TAAR5: variants seen among roughly 807,000 people sequenced by gnomAD.
TAAR5 encodes the protein trace amine associated receptor 5, also known as trace amine-associated receptor 5.
In TAAR5, 27 loss-of-function variants were observed where a neutral mutation model predicts 21.1. That is an observed-to-expected ratio of 1.28 (90% CI 0.94 to 1.76). The LOEUF (loss-of-function observed/expected upper bound fraction) is 1.76. TAAR5 is among the 40% of genes most tolerant of loss of function. TAAR5 has a pLI of 0.00. For missense variants in TAAR5, 495 were observed against 405.6 expected (o/e 1.22, Z -1.89); for synonymous variants, 203 against 167.5 (o/e 1.21, Z -1.64).
At chr6:132,600,817 GA>G in the TAAR5 span, among the ~76,000 whole-genome samples, 1 of 137,898 alleles carries the variant, frequency 7.3e-6, no homozygotes, top group Non-Finnish European at 1.6e-5. Context: ...AGGAAGGAAG[GA>G]GGGAGGGAAG....
At chr6:132,608,411 T>G in the TAAR5 span, 1 of 455,656 alleles carries the variant, frequency 2.2e-6, no homozygotes, top group Non-Finnish European at 4.4e-6. Flanking sequence ...AGATCCAATA[T>G]TAGTATGGGA....
At chr6:132,604,019 T>C in the TAAR5 span, among the ~76,000 whole-genome samples, 1 of 152,056 alleles carries the variant, frequency 6.6e-6, no homozygotes, top group South Asian at 2.1e-4. Context: ...AAAAGTTACA[T>C]GTTAAGTGAA....
At chr6:132,608,215 A>C in the TAAR5 span, 2 of 392,526 alleles carry the variant, frequency 5.1e-6, no homozygotes, top group Non-Finnish European at 1.0e-5. Flanking sequence ...TCTCATTTGC[A>C]ATATTCTATT....
chr6:132,611,008 G>A, the TAAR5 span, among the ~76,000 whole-genome samples: 1 of 152,180 alleles, frequency 6.6e-6, no homozygotes, highest in Non-Finnish European at 1.5e-5. Context: ...AATAAAGTTT[G>A]GGACTCAATG....
chr6:132,604,519 T>A, the TAAR5 span, among the ~76,000 whole-genome samples: 2 of 151,512 alleles, frequency 1.3e-5, no homozygotes, highest in East Asian at 1.9e-4. Flanking sequence ...AAAAAAAAAA[T>A]TAGCCAAATG....
At chr6:132,600,941 G>A in the TAAR5 span, among the ~76,000 whole-genome samples, 15 of 113,962 alleles carry the variant, frequency 1.3e-4, no homozygotes, top group African/African-American at 4.3e-4. Flanking sequence ...AGGAGGGAAG[G>A]AGGGAAAGAA....
At chr6:132,603,463 A>G in the TAAR5 span, among the ~76,000 whole-genome samples, 1 of 150,876 alleles carries the variant, frequency 6.6e-6, no homozygotes, top group Non-Finnish European at 1.5e-5. Context: ...GCAGGAATGT[A>G]TTATATGCAT....
chr6:132,608,502 A>G, the TAAR5 span: 2 of 455,918 alleles, frequency 4.4e-6, no homozygotes, highest in African/African-American at 2.0e-5. Flanking sequence ...CCATTACTAT[A>G]CCCAGTGTCT....
chr6:132,614,010 G>A, the TAAR5 span, among the ~76,000 whole-genome samples: 1 of 152,128 alleles, frequency 6.6e-6, no homozygotes, highest in African/African-American at 2.4e-5. Context: ...TTCTTTGTTG[G>A]AAAAACAGAT....
chr6:132,607,019 A>T, the TAAR5 span, among the ~76,000 whole-genome samples: 1 of 152,108 alleles, frequency 6.6e-6, no homozygotes, highest in African/African-American at 2.4e-5. Flanking sequence ...AACATGACGA[A>T]ACCCTGTCTC....
chr6:132,603,495 A>G, the TAAR5 span, among the ~76,000 whole-genome samples: 1 of 40,742 alleles, frequency 2.5e-5, no homozygotes, highest in African/African-American at 1.8e-4. Flanking sequence ...ATTTTCTCTC[A>G]AAAAAAAAAA....
At chr6:132,612,658 C>G in the TAAR5 span, among the ~76,000 whole-genome samples, 42 of 152,114 alleles carry the variant, frequency 2.8e-4, no homozygotes, top group Admixed American at 1.2e-3. Context: ...GCATGACACC[C>G]CTCCGTGTCC....
chr6:132,601,101 G>GA, the TAAR5 span, among the ~76,000 whole-genome samples: 3 of 143,322 alleles, frequency 2.1e-5, no homozygotes, highest in South Asian at 2.3e-4. Context: ...GGGAGGGAAG[G>GA]AGGGAAGAAG....
At chr6:132,614,495 C>A in the TAAR5 span, among the ~76,000 whole-genome samples, 1 of 147,130 alleles carries the variant, frequency 6.8e-6, no homozygotes, top group Non-Finnish European at 1.5e-5. Flanking sequence ...TATCACTATT[C>A]AATTATTTTG....
Position 132,588,643 on chromosome 6 carries a change from C to T in TAAR5, c.*30G>A, listed in dbSNP as rs766143303. On this transcript the variant is annotated 3_prime_UTR_variant, in exon 1 of 1. Transcript: ENST00000258034. ...TGCCACTTATCTTTCCTGTGAGGTCCTACTCCTTGCCTGCATTTAGTAGAA... is the reference window on the plus strand; with the variant it reads ...TGCCACTTATCTTTCCTGTGAGGTCTTACTCCTTGCCTGCATTTAGTAGAA... 3 of 1,583,808 alleles carry T rather than the reference C, an allele frequency of 1.9e-6. No homozygotes were observed. Among genetic ancestry groups the T allele is most frequent in the Admixed American group, 1.7e-5 (1 of 58,514 alleles).
At chr6:132,598,097 T>A in the TAAR5 span, among the ~76,000 whole-genome samples, 1,543 of 152,304 alleles carry the variant, frequency 0.01, 30 homozygotes, top group African/African-American at 0.035. Context: ...TTATCAGGCA[T>A]GATTTTTCTC....
chr6:132,593,161 C>A (rs1262258682), upstream of TAAR5, among the ~76,000 whole-genome samples: 1 of 152,194 alleles, frequency 6.6e-6, no homozygotes, highest in Non-Finnish European at 1.5e-5. Context: ...AAACCTGATG[C>A]TACAGTCTTT....
At chr6:132,596,184 T>C in the TAAR5 span, among the ~76,000 whole-genome samples, 2 of 152,176 alleles carry the variant, frequency 1.3e-5, no homozygotes, top group African/African-American at 4.8e-5. Context: ...CAAGCTCAAG[T>C]TGAGGTCCTT....
At chr6:132,609,655 C>T in the TAAR5 span, among the ~76,000 whole-genome samples, 2 of 152,142 alleles carry the variant, frequency 1.3e-5, no homozygotes, top group Non-Finnish European at 2.9e-5. Flanking sequence ...CAGATACATT[C>T]CTATAAACTG....
Sources: allele counts gnomAD v4.1 joint callset (sites outside exome capture counted in the v4.1 genomes callset), GRCh38; gene constraint gnomAD v4.1.1; transcripts MANE v1.5; gene names NCBI Gene and HGNC (gene_info 2026-07-23, HGNC 2026-07-21).